The following NAV3 variants were observed in gnomAD, a reference collection of about 807,000 sequenced individuals.
NAV3 encodes pore membrane and/or filament interacting like protein 1.
A neutral mutation model predicts 244.7 loss-of-function variants in NAV3; 87 were observed. The ratio of observed to expected loss-of-function variants is 0.36; its 90% confidence interval spans 0.30 to 0.42. The LOEUF (loss-of-function observed/expected upper bound fraction) is 0.42, where lower values mean the gene tolerates loss of function less well. NAV3 is among the 20% of genes least tolerant of loss of function. NAV3 has a pLI of 1.00. For synonymous variants in NAV3, 1,126 were observed against 1,042.2 expected, an observed-to-expected ratio of 1.08 and a Z score of -1.55; for missense variants, 2,663 against 2,893.3, an observed-to-expected ratio of 0.92 and a Z score of 1.83.
chr12:77,682,830 T>C (rs1012561708), intron 2 of NAV3, among the ~76,000 whole-genome samples: 2 of 152,186 alleles, frequency 1.3e-5, no homozygotes. Flanking sequence ...CTCAGGTCCT[T>C]CACACATTTT....
chr12:77,612,938 C>G (rs1870982633), intron 2 of NAV3, among the ~76,000 whole-genome samples: 1 of 151,978 alleles, frequency 6.6e-6, no homozygotes, highest in Admixed American at 6.6e-5. Flanking sequence ...GGGCTTTTCC[C>G]CCTTTTGCTC....
Position 77,940,444 on chromosome 12 carries a change from C to G in NAV3, c.361+8C>G, listed in dbSNP as rs2137472796. The G allele has an allele frequency of 6.3e-7, 1 of 1,599,552 alleles. No individual in the cohort carries two copies. Among genetic ancestry groups the G allele is most frequent in the Non-Finnish European group, 8.6e-7 (1 of 1,168,276 alleles). ...AAATCATCCAGATTATTGGTAAGCCCTTCCTTCTGAAAGAAAGCATGAAAG... is the reference window on the plus strand; with the variant it reads ...AAATCATCCAGATTATTGGTAAGCCGTTCCTTCTGAAAGAAAGCATGAAAG... On this transcript the variant is annotated splice_region_variant and intron_variant, in intron 2 of 39. Transcript: ENST00000397909.
chr12:77,969,848 A>G (rs1293126160), intron 5 of NAV3, among the ~76,000 whole-genome samples: 4 of 152,086 alleles, frequency 2.6e-5, no homozygotes, highest in Non-Finnish European at 5.9e-5. Context: ...AAACAAACAA[A>G]CAAAAGAACT....
intron 2 of NAV3, chr12:77,775,744 G>A (rs1870322828): frequency 6.6e-6 from 1 of 152,176 alleles, no homozygotes; most frequent in African/African-American, 2.4e-5. Flanking sequence ...TATGAGGTAA[G>A]TCACAAATGA....
intron 1 of NAV3, among the ~76,000 whole-genome samples, chr12:77,865,402 T>A (rs1002200396): frequency 6.6e-6 from 1 of 152,010 alleles, no homozygotes; most frequent in Admixed American, 6.6e-5. Context: ...TAATGGAACT[T>A]GTTTTTATTG....
upstream of NAV3, chr12:77,830,862 C>G (rs564300491): frequency 6.6e-6 from 1 of 152,202 alleles, no homozygotes; most frequent in Middle Eastern, 3.4e-3. Context: ...ATACAATTTT[C>G]TTTAAAAAGA....
At chr12:78,140,991 A>C (rs1956586452) in intron 20 of NAV3, among the ~76,000 whole-genome samples, 1 of 151,974 alleles carries the variant, frequency 6.6e-6, no homozygotes, top group African/African-American at 2.4e-5. Context: ...TCCTGGGCTC[A>C]AGTTATCCTT....
intron 2 of NAV3, among the ~76,000 whole-genome samples, chr12:77,585,532 A>G (rs696449): frequency 0.58 from 87,653 of 151,886 alleles, 25,531 homozygotes; most frequent in Middle Eastern, 0.74. Context: ...GGACGGGGGA[A>G]GGGTATCGAT....
chr12:77,977,732 A>G (rs2136233484), intron 5 of NAV3, among the ~76,000 whole-genome samples: 1 of 151,608 alleles, frequency 6.6e-6, no homozygotes, highest in South Asian at 2.1e-4. Context: ...ACACACACAC[A>G]CACACACACT....
chr12:78,078,347 A>C (rs1353189467), intron 12 of NAV3, among the ~76,000 whole-genome samples: 1 of 129,712 alleles, frequency 7.7e-6, no homozygotes, highest in Admixed American at 7.9e-5. Context: ...AGTAACAAGT[A>C]TGAGAGTTGC....
At chr12:78,162,180 A>T (rs1407604014) in intron 23 of NAV3, among the ~76,000 whole-genome samples, 2 of 152,170 alleles carry the variant, frequency 1.3e-5, no homozygotes. Context: ...ATCATATTTC[A>T]CTAAAGGCAT....
At chr12:77,840,901 G>C (rs746755466) in intron 1 of NAV3, among the ~76,000 whole-genome samples, 38 of 152,294 alleles carry the variant, frequency 2.5e-4, no homozygotes, top group Non-Finnish European at 4.6e-4. Flanking sequence ...ATTCTTTACT[G>C]TCTTTGTGGA....
At chr12:77,745,072 A>G (rs1392172313) in intron 2 of NAV3, among the ~76,000 whole-genome samples, 2 of 151,994 alleles carry the variant, frequency 1.3e-5, no homozygotes, top group African/African-American at 4.8e-5. Flanking sequence ...TAAGTGTGAT[A>G]AGGAACACTA....
rs1466936762 is a variant in NAV3 at position 78,006,765 on chromosome 12, T to A, written c.1227T>A (p.Asp409Glu). 4.3e-6 allele frequency: 7 copies of A among 1,614,106 alleles called. No individual in the cohort carries two copies. The South Asian group carries it at 7.7e-5, about 18-fold the overall frequency. ...AGCCTCCCAGTTCAGGACCTAGTGA[T>A]GGTGGGAAGGATGATGATGCCTTTT... ...PPQPPSSGPS[D>E]GGKDDDAFSE... Residue 409 changes from aspartate to glutamate, a missense_variant, in exon 8 of 40, where the codon GAT (aspartate) becomes GAA (glutamate). This residue lies in a region of NAV3 where 1,521 missense variants were observed against 1,497.0 expected (regional missense o/e 1.02). Coordinates refer to ENST00000397909, the MANE Select transcript of NAV3 (RefSeq NM_001024383.2).
intron 2 of NAV3, among the ~76,000 whole-genome samples, chr12:77,780,207 C>T (rs77484894): frequency 0.017 from 2,649 of 152,180 alleles, 89 homozygotes; most frequent in African/African-American, 0.061. Context: ...TTTTCTGTGG[C>T]ACTCTCCCTG....
intron 37 of NAV3, 79 bp from the exon 38 acceptor site, chr12:78,200,394 A>G (rs1565796478): frequency 1.2e-6 from 1 of 813,524 alleles, no homozygotes; most frequent in Non-Finnish European, 1.8e-6. Flanking sequence ...AATATATTAT[A>G]TTCCAAAATG....
Position 78,119,582 on chromosome 12 carries a change from C to T in NAV3, c.3386C>T (p.Ser1129Leu), listed in dbSNP as rs1955577372. 6.2e-7 allele frequency: 1 copy of T among 1,614,042 alleles called. No homozygotes were observed. Among genetic ancestry groups the T allele is most frequent in the South Asian group, 1.1e-5 (1 of 91,078 alleles). ...GATGATGTTGTGCTGCATGTTAGCTCAAAGACTACCCTACAATATCGCAGC... is the reference window on the plus strand; with the variant it reads ...GATGATGTTGTGCTGCATGTTAGCTTAAAGACTACCCTACAATATCGCAGC... The part of the protein sequence containing the change: ...NQDDVVLHVS[S>L]KTTLQYRSLP... Residue 1129 changes from serine (S) to leucine (L), a missense_variant, in exon 15 of 40, where the codon TCA becomes TTA. By Grantham distance (145) the Ser-to-Leu change is moderately radical. Around this residue, in one of 6 missense-constraint regions of NAV3, gnomAD observed 1,521 missense variants for 1,497.0 expected, o/e 1.02. Coordinates refer to ENST00000397909, the MANE Select transcript of NAV3 (RefSeq NM_001024383.2).
At chr12:77,831,727 A>G (rs2136081230) in intron 1 of NAV3, 23 bp downstream of exon 1, 1 of 1,569,234 alleles carries the variant, frequency 6.4e-7, no homozygotes, top group African/African-American at 1.4e-5. Flanking sequence ...AGTTACCTGC[A>G]GACTTGTGTA....
intron 2 of NAV3, among the ~76,000 whole-genome samples, chr12:77,670,646 T>C (rs192590485): frequency 1.1e-4 from 16 of 152,240 alleles, no homozygotes; most frequent in Admixed American, 4.6e-4. Flanking sequence ...CATAAGTCAA[T>C]AAATGTGATA....
Sources: gnomAD v4.1 joint callset for allele counts (sites outside exome capture counted in the v4.1 genomes callset) on GRCh38, gnomAD v4.1.1 for gene constraint, gnomAD v4.1.1 regional missense constraint, MANE v1.5 for transcripts, NCBI Gene and HGNC (gene_info 2026-07-23, HGNC 2026-07-21) for gene names.